The following LOC400499 variants were observed in gnomAD, a reference collection of about 807,000 sequenced individuals.
chr16:11,521,159 C>A, the LOC400499 span, among the ~76,000 whole-genome samples: 22 of 152,294 alleles, frequency 1.4e-4, no homozygotes, highest in African/African-American at 5.3e-4. Context: ...AGACCTCATC[C>A]TGTGGTCTAC....
chr16:11,515,475 G>T, the LOC400499 span, among the ~76,000 whole-genome samples: 2 of 144,792 alleles, frequency 1.4e-5, no homozygotes, highest in Non-Finnish European at 2.9e-5. Context: ...ACATACATAC[G>T]TACGTACATA....
At chr16:11,385,497 C>T in the LOC400499 span, 1 of 993,364 alleles carries the variant, frequency 1.0e-6, no homozygotes, top group Non-Finnish European at 1.3e-6. Context: ...TGCTGGGTGC[C>T]CCGGATGCCT....
the LOC400499 span, among the ~76,000 whole-genome samples, chr16:11,498,416 A>T: frequency 6.6e-6 from 1 of 152,174 alleles, no homozygotes. Flanking sequence ...CGGGAGGTGG[A>T]GGTTGCAGTG....
the LOC400499 span, chr16:11,487,375 G>A: frequency 2.0e-5 from 8 of 399,188 alleles, no homozygotes; most frequent in Admixed American, 2.2e-4. Context: ...TTGGCTCCCA[G>A]GCTGCCAGAC....
At chr16:11,451,981 C>A in the LOC400499 span, among the ~76,000 whole-genome samples, 5 of 152,274 alleles carry the variant, frequency 3.3e-5, no homozygotes, top group African/African-American at 9.6e-5. Context: ...AGAGCCAGGT[C>A]CCCACCCAGT....
the LOC400499 span, among the ~76,000 whole-genome samples, chr16:11,498,812 T>C: frequency 6.6e-6 from 1 of 151,570 alleles, no homozygotes; most frequent in African/African-American, 2.4e-5. Flanking sequence ...TGTCCCAGAC[T>C]AATGGCAACA....
chr16:11,527,470 G>C, the LOC400499 span, among the ~76,000 whole-genome samples: 2 of 152,178 alleles, frequency 1.3e-5, no homozygotes, highest in Non-Finnish European at 2.9e-5. Flanking sequence ...TCCTAGCCTT[G>C]TAAACAGAGA....
At chr16:11,494,493 C>A in the LOC400499 span, 1 of 351,984 alleles carries the variant, frequency 2.8e-6, no homozygotes, top group Non-Finnish European at 5.1e-6. Context: ...CACCCCCACC[C>A]TCTCCACCTG....
At chr16:11,480,288 C>T in the LOC400499 span, among the ~76,000 whole-genome samples, 2 of 152,186 alleles carry the variant, frequency 1.3e-5, no homozygotes, top group African/African-American at 4.8e-5. Flanking sequence ...ATCTAGCGGA[C>T]CTCCCTCTTT....
At chr16:11,387,290 CG>C in the LOC400499 span, 7 of 1,232,216 alleles carry the variant, frequency 5.7e-6, no homozygotes, top group Non-Finnish European at 7.1e-6. Context: ...CACCACTGAG[CG>C]GTTCCTGCAG....
the LOC400499 span, among the ~76,000 whole-genome samples, chr16:11,452,018 G>T: frequency 2.0e-5 from 3 of 152,078 alleles, no homozygotes; most frequent in African/African-American, 7.2e-5. Context: ...AAACCCACCG[G>T]TCTGCACATG....
At chr16:11,484,774 C>G in the LOC400499 span, 3 of 397,650 alleles carry the variant, frequency 7.5e-6, no homozygotes, top group Non-Finnish European at 1.3e-5. Context: ...AAGGAGGAGG[C>G]AGAGTCAGAG....
At chr16:11,463,564 G>A in the LOC400499 span, among the ~76,000 whole-genome samples, 6 of 152,086 alleles carry the variant, frequency 3.9e-5, no homozygotes, top group Admixed American at 6.5e-5. Context: ...GTGTGTGAAC[G>A]TATGTATACG....
At chr16:11,513,219 C>T in the LOC400499 span, among the ~76,000 whole-genome samples, 6 of 141,554 alleles carry the variant, frequency 4.2e-5, no homozygotes, top group East Asian at 2.0e-4. Flanking sequence ...GCCTGGGCAA[C>T]ATAGTGAAAC....
At chr16:11,401,535 C>T in the LOC400499 span, 3 of 398,310 alleles carry the variant, frequency 7.5e-6, no homozygotes, top group Non-Finnish European at 1.3e-5. Flanking sequence ...GCACAAAACC[C>T]CATCCCTGTG....
At chr16:11,494,387 G>C in the LOC400499 span, among the ~76,000 whole-genome samples, 1 of 151,328 alleles carries the variant, frequency 6.6e-6, no homozygotes, top group African/African-American at 2.4e-5. Context: ...GTATAGAAGG[G>C]GCAGTGGCGT....
chr16:11,525,290 C>T, the LOC400499 span, among the ~76,000 whole-genome samples: 1 of 127,150 alleles, frequency 7.9e-6, no homozygotes, highest in Non-Finnish European at 1.6e-5. Context: ...AAGACCTTGT[C>T]CCAAAAAAAA....
the LOC400499 span, chr16:11,523,494 G>C: frequency 2.5e-6 from 1 of 398,642 alleles, no homozygotes; most frequent in Non-Finnish European, 4.4e-6. Flanking sequence ...AAATCAGATG[G>C]AACCAGGGTG....
the LOC400499 span, chr16:11,456,977 G>T: frequency 4.6e-6 from 7 of 1,536,126 alleles, no homozygotes; most frequent in Non-Finnish European, 8.7e-7. Context: ...AGGGCAGGCG[G>T]AGGCTCAAGT....
Sources: gnomAD v4.1 joint callset for allele counts (sites outside exome capture counted in the v4.1 genomes callset) on GRCh38, gnomAD v4.1.1 for gene constraint, MANE v1.5 for transcripts.